ASB2: variants seen among roughly 807,000 people sequenced by gnomAD.
ASB2 encodes the protein ankyrin repeat and SOCS box protein 2.
ASB2 carries 58 observed loss-of-function variants against 62.4 expected under a neutral mutation model. The observed-to-expected ratio is 0.93, with a 90% CI of 0.75 to 1.16. The LOEUF (loss-of-function observed/expected upper bound fraction) is 1.16. Ranked by LOEUF, ASB2 falls within the 50% of genes most tolerant of loss-of-function variation. The pLI, the probability that ASB2 is intolerant of heterozygous loss-of-function variation, is 0.00. For synonymous variants in ASB2, 386 were observed against 385.3 expected (o/e 1.00, Z -0.02); for missense variants, 928 against 887.9 (o/e 1.05, Z -0.57).
At chr14:93,970,807 G>C (rs145839186) in intron 1 of ASB2, among the ~76,000 whole-genome samples, 1 of 152,240 alleles carries the variant, frequency 6.6e-6, no homozygotes, top group Non-Finnish European at 1.5e-5. Flanking sequence ...AGGTTACTCG[G>C]TGCCTCACTT....
intron 3 of ASB2, among the ~76,000 whole-genome samples, chr14:93,954,902 C>T (rs1889121232): frequency 2.0e-5 from 3 of 152,166 alleles, no homozygotes; most frequent in African/African-American, 7.2e-5. Context: ...TGCCCTGTCG[C>T]TTATTCCTAC....
chr14:93,974,894 G>A (rs78508201), intron 1 of ASB2, among the ~76,000 whole-genome samples: 2,003 of 152,320 alleles, frequency 0.013, 18 homozygotes, highest in Non-Finnish European at 0.02. Flanking sequence ...CCGTGCGTGG[G>A]TTAGACAGTG....
intron 2 of ASB2, among the ~76,000 whole-genome samples, chr14:93,959,313 T>C (rs1371536880): frequency 1.3e-5 from 2 of 152,122 alleles, no homozygotes; most frequent in Non-Finnish European, 2.9e-5. Context: ...GAGGACGGGC[T>C]GAGATCGGGG....
intron 7 of ASB2, among the ~76,000 whole-genome samples, chr14:93,945,130 C>T (rs189362502): frequency 3.3e-5 from 5 of 152,302 alleles, no homozygotes; most frequent in African/African-American, 9.6e-5. Flanking sequence ...TCTGATTCAC[C>T]GGATCTGATA....
chr14:93,969,713 G>A (rs1889704667), intron 1 of ASB2, among the ~76,000 whole-genome samples: 2 of 152,200 alleles, frequency 1.3e-5, no homozygotes, highest in South Asian at 4.1e-4. Context: ...GGTAGAGGGA[G>A]GGGCCAGTCC....
At chr14:93,967,674 A>C (rs990430632) in intron 1 of ASB2, among the ~76,000 whole-genome samples, 3 of 152,176 alleles carry the variant, frequency 2.0e-5, no homozygotes, top group Non-Finnish European at 4.4e-5. Context: ...AGTTCTAAAG[A>C]GTCTGCAACT....
rs1888711125 is a variant in ASB2 at position 93,946,077 on chromosome 14, G to A, written c.1052+1272C>T. On this transcript the variant is annotated intron_variant, in intron 7 of 9. Coordinates refer to ENST00000555019, the MANE Select transcript of ASB2 (RefSeq NM_001202429.2). ...TTATTTAAAGGAAAAATTACTAAACGATGAGAGTATAGATATTTAAAATCA... is the reference window on the plus strand; with the variant it reads ...TTATTTAAAGGAAAAATTACTAAACAATGAGAGTATAGATATTTAAAATCA... Among the ~76,000 whole-genome samples the A allele has an allele frequency of 1.3e-5, 2 of 152,174 alleles. 1 individual carries two copies. The highest frequency in any genetic ancestry group is 4.1e-4 in the South Asian group (2 of 4,832).
chr14:93,935,755 A>G (rs560269692), intron 9 of ASB2, among the ~76,000 whole-genome samples: 1 of 151,510 alleles, frequency 6.6e-6, no homozygotes, highest in African/African-American at 2.4e-5. Flanking sequence ...TCACACACCC[A>G]TCACTGTGTT....
At chr14:93,936,045 T>C (rs1306008556) in intron 9 of ASB2, among the ~76,000 whole-genome samples, 1 of 151,978 alleles carries the variant, frequency 6.6e-6, no homozygotes, top group African/African-American at 2.4e-5. Flanking sequence ...GTCCAGAAAA[T>C]AGATGGGGAA....
At chr14:93,955,233 C>T in intron 3 of ASB2, 1 of 448,856 alleles carries the variant, frequency 2.2e-6, no homozygotes, top group Non-Finnish European at 4.5e-6. Flanking sequence ...AGGCCTCATT[C>T]CCAGGACACC....
chr14:93,950,880 C>T, intron 6 of ASB2, 119 bp downstream of exon 6: 3 of 1,153,672 alleles, frequency 2.6e-6, no homozygotes, highest in Admixed American at 2.3e-5. Flanking sequence ...AGGAAACTCT[C>T]ACTCCATCAG....
At chr14:93,937,627 C>G in intron 9 of ASB2, 71 bp downstream of exon 9, 1 of 1,497,962 alleles carries the variant, frequency 6.7e-7, no homozygotes, top group Non-Finnish European at 9.1e-7. Context: ...AACAGTCGCA[C>G]TCCCTGAGGC....
chr14:93,951,233 T>G lies in ASB2; in HGVS notation c.646A>C (p.Lys216Gln). Residue 216 changes from lysine to glutamine, a missense_variant, in exon 6 of 10, where the codon AAG (lysine) becomes CAG (glutamine). Transcript: ENST00000555019. The stretch of plus-strand genomic sequence containing the variant: ...AGAATCTTCACGGCCTCCGCGTTCT[T>G]GCGCTCGCAGGCTGTGCTCAGGGGG... ...ETPLYKACER[K>Q]NAEAVKILVQ... 6.2e-7 allele frequency: 1 copy of G among 1,601,222 alleles called. No homozygotes were observed. Among genetic ancestry groups the G allele is most frequent in the Non-Finnish European group, 8.5e-7 (1 of 1,174,486 alleles).
At chr14:93,952,334 T>TG (rs1889001061) in intron 5 of ASB2, among the ~76,000 whole-genome samples, 1 of 152,206 alleles carries the variant, frequency 6.6e-6, no homozygotes, top group South Asian at 2.1e-4. Context: ...TTTGGACAGC[T>TG]GAGGTTCCAG....
At chr14:93,961,337 G>C (rs1401074590) in intron 2 of ASB2, among the ~76,000 whole-genome samples, 1 of 152,234 alleles carries the variant, frequency 6.6e-6, no homozygotes, top group African/African-American at 2.4e-5. Flanking sequence ...TGAATCTCTA[G>C]ACCTACTTCT....
At chr14:93,973,673 T>C (rs1174919173) in intron 1 of ASB2, among the ~76,000 whole-genome samples, 1 of 152,236 alleles carries the variant, frequency 6.6e-6, no homozygotes, top group African/African-American at 2.4e-5. Flanking sequence ...GCCCTTCTGC[T>C]GCCTCCTGGC....
At chr14:93,958,166 C>T (rs879525161) in intron 2 of ASB2, among the ~76,000 whole-genome samples, 1 of 152,232 alleles carries the variant, frequency 6.6e-6, no homozygotes, top group Non-Finnish European at 1.5e-5. Flanking sequence ...GCCGCTGTCA[C>T]GCCCTCCCAC....
chr14:93,950,481 C>T (rs958652283), intron 6 of ASB2, among the ~76,000 whole-genome samples: 17 of 152,196 alleles, frequency 1.1e-4, no homozygotes, highest in Non-Finnish European at 5.9e-5. Context: ...TGCTGTGTGA[C>T]CTTGGACAAA....
intron 7 of ASB2, chr14:93,943,974 A>C: frequency 2.2e-6 from 1 of 456,102 alleles, no homozygotes; most frequent in South Asian, 1.5e-5. Flanking sequence ...ATATTTAAAA[A>C]CGAGGGAGGC....
Sources: allele counts gnomAD v4.1 joint callset (sites outside exome capture counted in the v4.1 genomes callset), GRCh38; gene constraint gnomAD v4.1.1; transcripts MANE v1.5; gene names NCBI Gene and HGNC (gene_info 2026-07-23, HGNC 2026-07-21).